The following UNC5C variants were observed in gnomAD, a reference collection of about 807,000 sequenced individuals.
UNC5C encodes netrin receptor UNC5C.
In UNC5C, 47 loss-of-function variants were observed where a neutral mutation model predicts 99.8. The observed-to-expected ratio is 0.47, with a 90% CI of 0.37 to 0.60. The LOEUF is 0.60. UNC5C is among the 20% of genes least tolerant of loss of function. UNC5C has a pLI of 0.00. For missense variants in UNC5C, 1,062 were observed against 1,165.9 expected, an observed-to-expected ratio of 0.91 and a Z score of 1.30; for synonymous variants, 487 against 452.2, an observed-to-expected ratio of 1.08 and a Z score of -0.98.
At chr4:95,217,883 G>T (rs1014531933) in intron 9 of UNC5C, among the ~76,000 whole-genome samples, 1 of 152,120 alleles carries the variant, frequency 6.6e-6, no homozygotes, top group African/African-American at 2.4e-5. Context: ...AATGAGAAAA[G>T]GGTGGAAAAC....
chr4:95,501,378 A>G (rs1026661861), intron 1 of UNC5C, among the ~76,000 whole-genome samples: 5 of 152,096 alleles, frequency 3.3e-5, no homozygotes, highest in African/African-American at 1.2e-4. Context: ...GTATTTACAC[A>G]TAATTTTGCT....
At chr4:95,346,608 G>C (rs1465382494) in intron 1 of UNC5C, among the ~76,000 whole-genome samples, 1 of 151,998 alleles carries the variant, frequency 6.6e-6, no homozygotes, top group South Asian at 2.1e-4. Context: ...TTTATCCCAG[G>C]CATTCAAGGA....
chr4:95,177,311 G>GAACT (rs1371027377), intron 14 of UNC5C, among the ~76,000 whole-genome samples: 2 of 152,188 alleles, frequency 1.3e-5, no homozygotes, highest in African/African-American at 4.8e-5. Context: ...GCCAGAGGAT[G>GAACT]AACTAACTGG....
At position 95,244,981 on chromosome 4, in the gene UNC5C, GCATAA is replaced by G. The variant is rs1268133146; in HGVS notation, c.934_938del (p.Leu312ProfsTer18). 6.2e-7 allele frequency: 1 copy of G among 1,613,604 alleles called. No homozygotes were observed. Among genetic ancestry groups the G allele is most frequent in the African/African-American group, 1.3e-5 (1 of 74,874 alleles). ...TGAGAGGACTGGTTTATTTACCTGG[GCATAA>G]CGTAGTACAGGCTATTTTCTGCACA... On this transcript the variant is annotated frameshift_variant, in exon 6 of 16. Coordinates refer to ENST00000453304, the MANE Select transcript of UNC5C (RefSeq NM_003728.4). LOFTEE classifies it high-confidence loss of function.
chr4:95,278,900 G>A (rs1740955805), intron 3 of UNC5C, among the ~76,000 whole-genome samples: 2 of 152,128 alleles, frequency 1.3e-5, no homozygotes, highest in African/African-American at 4.8e-5. Context: ...TTCAATGGAA[G>A]CCTTTGGCAG....
At chr4:95,187,313 G>A (rs1268673838) in intron 12 of UNC5C, among the ~76,000 whole-genome samples, 2 of 152,100 alleles carry the variant, frequency 1.3e-5, no homozygotes, top group South Asian at 2.1e-4. Context: ...TCATCAAGAC[G>A]TCTAAAGAGC....
At chr4:95,231,298 G>T (rs1190257194) in intron 7 of UNC5C, among the ~76,000 whole-genome samples, 2 of 152,074 alleles carry the variant, frequency 1.3e-5, no homozygotes, top group African/African-American at 4.8e-5. Flanking sequence ...CCCGTAAATA[G>T]ATTTTAGGAT....
At chr4:95,183,141 C>G in intron 13 of UNC5C, 80 bp from the exon 14 acceptor site, 10 of 1,386,612 alleles carry the variant, frequency 7.2e-6, no homozygotes, top group Non-Finnish European at 1.0e-5. Flanking sequence ...GCCAGGTACT[C>G]TGAGTATCAC....
intron 14 of UNC5C, among the ~76,000 whole-genome samples, chr4:95,179,122 A>G (rs1029498926): frequency 1.3e-5 from 2 of 152,186 alleles, no homozygotes; most frequent in East Asian, 1.9e-4. Context: ...ATTTTTCAAC[A>G]TTAGTCAAAC....
rs537225384 is a variant in UNC5C at position 95,494,514 on chromosome 4, T to C, written c.124+54220A>G. Among the ~76,000 whole-genome samples, 5 of 151,568 alleles carry C rather than the reference T, an allele frequency of 3.3e-5. No individual in the cohort carries two copies. The East Asian group carries it at 9.7e-4, about 30-fold the overall frequency. On this transcript the variant is annotated intron_variant, in intron 1 of 15. Transcript: ENST00000453304. ...TATAGCCAACAGAATTCAATGCTTT[T>C]ATAGAAAGAAAGTGCACAAATGCCT... is the stretch of plus-strand genomic sequence containing the variant.
intron 8 of UNC5C, among the ~76,000 whole-genome samples, chr4:95,219,655 T>G (rs1250728936): frequency 6.6e-6 from 1 of 152,144 alleles, no homozygotes; most frequent in Non-Finnish European, 1.5e-5. Context: ...GGTTCATTGG[T>G]AAATCATTCT....
intron 12 of UNC5C, among the ~76,000 whole-genome samples, chr4:95,186,711 A>G (rs1736845766): frequency 6.6e-6 from 1 of 152,218 alleles, no homozygotes; most frequent in Non-Finnish European, 1.5e-5. Flanking sequence ...GCAATAGCAC[A>G]CTGACGTAGA....
chr4:95,371,329 C>T (rs956987091), intron 1 of UNC5C, among the ~76,000 whole-genome samples: 2 of 151,330 alleles, frequency 1.3e-5, no homozygotes, highest in Admixed American at 1.3e-4. Context: ...ATGTTGCAAA[C>T]CCCACTGTAC....
intron 1 of UNC5C, among the ~76,000 whole-genome samples, chr4:95,356,981 G>C (rs28368523): frequency 0.35 from 53,509 of 151,946 alleles, 10,791 homozygotes; most frequent in African/African-American, 0.54. Context: ...TTCCAGGCCA[G>C]TATCAAAATT....
chr4:95,482,865 G>A (rs573310829), intron 1 of UNC5C, among the ~76,000 whole-genome samples: 2 of 121,942 alleles, frequency 1.6e-5, no homozygotes, highest in Admixed American at 8.4e-5. Context: ...GTTGTGGGGT[G>A]GGCGGAGGGG....
chr4:95,545,791 C>G (rs1578220245), intron 1 of UNC5C, among the ~76,000 whole-genome samples: 3 of 152,142 alleles, frequency 2.0e-5, no homozygotes, highest in Admixed American at 2.0e-4. Flanking sequence ...CACACACACA[C>G]ACACTGCCTT....
intron 1 of UNC5C, among the ~76,000 whole-genome samples, chr4:95,372,755 G>A (rs1208999938): frequency 1.3e-5 from 2 of 152,136 alleles, no homozygotes; most frequent in Non-Finnish European, 2.9e-5. Context: ...TTGGTGGTTT[G>A]TTAACACAGG....
At position 95,377,771 on chromosome 4, in the gene UNC5C, C is replaced by T. The variant is rs150029354; in HGVS notation, c.125-42140G>A. Reference sequence around the variant, plus strand: ...AGATGGCAGATGTGTTCTGTGTTCACGCCCTACAGTTAGGTGGATTAATAG... The same window carrying T: ...AGATGGCAGATGTGTTCTGTGTTCATGCCCTACAGTTAGGTGGATTAATAG... On this transcript the variant is annotated intron_variant, in intron 1 of 15. Coordinates refer to ENST00000453304, the MANE Select transcript of UNC5C (RefSeq NM_003728.4). Among the ~76,000 whole-genome samples the T allele has an allele frequency of 6.6e-5, 10 of 152,212 alleles. No individual in the cohort carries two copies. In the South Asian group the frequency reaches 1.7e-3, roughly 25 times the overall value.
chr4:95,223,593 T>C (rs1001337232), intron 7 of UNC5C, among the ~76,000 whole-genome samples: 1 of 152,196 alleles, frequency 6.6e-6, no homozygotes, highest in Middle Eastern at 3.2e-3. Flanking sequence ...TCTGAATTCA[T>C]TTTTAATGCC....
Sources: allele counts gnomAD v4.1 joint callset (sites outside exome capture counted in the v4.1 genomes callset), GRCh38; gene constraint gnomAD v4.1.1; transcripts MANE v1.5; gene names NCBI Gene and HGNC (gene_info 2026-07-23, HGNC 2026-07-21).